The following PRKCE variants were observed in gnomAD, a reference collection of about 807,000 sequenced individuals.
The protein encoded by PRKCE is protein kinase C epsilon, also known as protein kinase C epsilon type.
A neutral mutation model predicts 85.4 loss-of-function variants in PRKCE; 16 were observed. The ratio of observed to expected loss-of-function variants is 0.19; its 90% CI spans 0.13 to 0.28. The LOEUF (loss-of-function observed/expected upper bound fraction) is 0.28. Among genes scored for constraint, PRKCE ranks in the 10% least tolerant of loss-of-function variants. The pLI is 1.00. For missense variants in PRKCE, 573 were observed against 975.2 expected (o/e 0.59, Z 5.49); for synonymous variants, 388 against 371.5 (o/e 1.04, Z -0.51).
At chr2:45,803,416 C>A (rs564220909) in intron 1 of PRKCE, among the ~76,000 whole-genome samples, 6 of 152,352 alleles carry the variant, frequency 3.9e-5, no homozygotes, top group African/African-American at 1.4e-4. Context: ...TTATTCCCCA[C>A]TGGAATTTTG....
intron 11 of PRKCE, among the ~76,000 whole-genome samples, chr2:46,089,675 G>T (rs757501046): frequency 1.3e-5 from 2 of 151,982 alleles, no homozygotes; most frequent in African/African-American, 2.4e-5. Context: ...GTTGGGGAAG[G>T]CATCCAGCCC....
intron 1 of PRKCE, among the ~76,000 whole-genome samples, chr2:45,823,316 G>T (rs1414645039): frequency 1.3e-5 from 2 of 152,202 alleles, no homozygotes; most frequent in African/African-American, 4.8e-5. Context: ...TTGAGCCTCT[G>T]CTCTTTCTGG....
Position 45,744,403 on chromosome 2 carries a change from C to CT in PRKCE, c.348+91958dup, listed in dbSNP as rs201240044. 7.0e-3 allele frequency among the ~76,000 whole-genome samples: 1,044 copies of CT among 150,210 alleles called. 26 individuals are homozygous for CT. The highest frequency in any genetic ancestry group is 0.025 in the African/African-American group (983 of 39,916). ...AAACCCAGTTGCCTGGTCTTTCTCT[C>CT]TTTCTTTTCTTTTCTTTCTTTCTTT... is the stretch of plus-strand genomic sequence containing the variant. On this transcript the variant is annotated intron_variant, in intron 1 of 14. Transcript: ENST00000306156.
chr2:45,702,188 A>G (rs1678702853), intron 1 of PRKCE, among the ~76,000 whole-genome samples: 2 of 152,194 alleles, frequency 1.3e-5, no homozygotes, highest in Non-Finnish European at 2.9e-5. Context: ...GACTGTCTCA[A>G]AAAACAACGA....
At chr2:45,859,348 A>G (rs993565373) in intron 2 of PRKCE, among the ~76,000 whole-genome samples, 4 of 152,134 alleles carry the variant, frequency 2.6e-5, no homozygotes, top group African/African-American at 9.7e-5. Context: ...AGGCATGGTA[A>G]ATGATGGTTC....
intron 2 of PRKCE, among the ~76,000 whole-genome samples, chr2:45,867,878 C>T (rs1693733570): frequency 1.3e-5 from 2 of 152,188 alleles, no homozygotes; most frequent in Non-Finnish European, 2.9e-5. Context: ...CCTACCTCAT[C>T]ACTTCTGCAG....
chr2:45,987,043 T>G (rs1192186069), intron 6 of PRKCE, among the ~76,000 whole-genome samples: 1 of 150,596 alleles, frequency 6.6e-6, no homozygotes, highest in African/African-American at 2.5e-5. Context: ...TTTTTTTTTG[T>G]AAATATATTA....
At chr2:45,799,771 A>G (rs59321091) in intron 1 of PRKCE, among the ~76,000 whole-genome samples, 3,322 of 152,236 alleles carry the variant, frequency 0.022, 119 homozygotes, top group African/African-American at 0.076. Flanking sequence ...AATTTGTACA[A>G]GGAGAAGATT....
At chr2:45,743,603 T>C (rs1484440802) in intron 1 of PRKCE, among the ~76,000 whole-genome samples, 1 of 152,192 alleles carries the variant, frequency 6.6e-6, no homozygotes. Context: ...CAACTCTGGT[T>C]TATCTTTCAG....
At chr2:45,810,239 C>G (rs1052878041) in intron 1 of PRKCE, among the ~76,000 whole-genome samples, 1 of 152,010 alleles carries the variant, frequency 6.6e-6, no homozygotes, top group Non-Finnish European at 1.5e-5. Context: ...CGGGGTTTCA[C>G]CATGTTGGCC....
rs186126710 is a variant in PRKCE, at chr2:46,112,737, C to G, written c.1592+26375C>G. On this transcript the variant is annotated intron_variant, in intron 11 of 14. Transcript: ENST00000306156. ...GTTTCACCATGTTGGCCAGGCTAGT[C>G]TCAAACTCCTGACCTCAAGTGATCC... 7.9e-4 allele frequency among the ~76,000 whole-genome samples: 120 copies of G among 152,222 alleles called. 2 individuals carry two copies. Among genetic ancestry groups the G allele is most frequent in the African/African-American group, 2.8e-3 (116 of 41,524 alleles).
chr2:46,084,533 C>G (rs951695986), intron 10 of PRKCE, among the ~76,000 whole-genome samples: 4 of 151,898 alleles, frequency 2.6e-5, no homozygotes, highest in Non-Finnish European at 5.9e-5. Context: ...ACCATCCTGG[C>G]CAACATGGTG....
chr2:46,070,365 T>C lies in PRKCE; in HGVS notation c.1438-15843T>C, dbSNP rs183028634. On this transcript the variant is annotated intron_variant, in intron 10 of 14. Coordinates refer to ENST00000306156, the MANE Select transcript of PRKCE (RefSeq NM_005400.3). ...GTATAAAAAAATGGCATTTTATGGC[T>C]GGGCGCGGTGGCGCATGCCTGTAAT... is the stretch of plus-strand genomic sequence containing the variant. Among the ~76,000 whole-genome samples, 209 of 152,352 alleles carry C rather than the reference T, an allele frequency of 1.4e-3. 2 individuals are homozygous for C. The highest frequency in any genetic ancestry group is 2.3e-3 in the Non-Finnish European group (157 of 68,022).
At chr2:45,892,323 C>T (rs78172581) in intron 2 of PRKCE, among the ~76,000 whole-genome samples, 4 of 152,154 alleles carry the variant, frequency 2.6e-5, no homozygotes, top group Non-Finnish European at 4.4e-5. Context: ...GGACAGCATT[C>T]AGCTGTTCTT....
At chr2:45,678,625 GAGGGAACC>G in intron 1 of PRKCE, among the ~76,000 whole-genome samples, 1 of 152,310 alleles carries the variant, frequency 6.6e-6, no homozygotes, top group Non-Finnish European at 1.5e-5. Flanking sequence ...GAAAAATTTG[GAGGGAACC>G]TTTCTTTCAA....
chr2:45,800,066 C>A (rs1164633638), intron 1 of PRKCE, among the ~76,000 whole-genome samples: 1 of 152,120 alleles, frequency 6.6e-6, no homozygotes, highest in Non-Finnish European at 1.5e-5. Context: ...AGAGATTTTC[C>A]CCCTAGTTCT....
In PRKCE at chr2:45,913,242, G is replaced by A. The variant is rs185281256; in HGVS notation, c.413-63187G>A. Among the ~76,000 whole-genome samples, 383 of 152,250 alleles carry A rather than the reference G, an allele frequency of 2.5e-3. 2 individuals are homozygous for A. The highest frequency in any genetic ancestry group is 8.6e-3 in the African/African-American group (359 of 41,532). ...TTTAACTGCAGCCTCAAACTCCCTGGGCTCAGATGATCCTCCCACCTCAGC... is the reference window on the plus strand; with the variant it reads ...TTTAACTGCAGCCTCAAACTCCCTGAGCTCAGATGATCCTCCCACCTCAGC... On this transcript the variant is annotated intron_variant, in intron 2 of 14. Coordinates refer to ENST00000306156, the MANE Select transcript of PRKCE (RefSeq NM_005400.3).
At chr2:45,950,618 T>G (rs1700554480) in intron 2 of PRKCE, among the ~76,000 whole-genome samples, 1 of 152,116 alleles carries the variant, frequency 6.6e-6, no homozygotes, top group South Asian at 2.1e-4. Flanking sequence ...GATTACAAGA[T>G]GCCTGGTTTG....
At chr2:46,002,583 A>G (rs1303734647) in intron 7 of PRKCE, among the ~76,000 whole-genome samples, 1 of 152,212 alleles carries the variant, frequency 6.6e-6, no homozygotes, top group African/African-American at 2.4e-5. Flanking sequence ...TGTTTTCTCA[A>G]TAAGCAAAGC....
Sources: allele counts gnomAD v4.1 joint callset (sites outside exome capture counted in the v4.1 genomes callset), GRCh38; gene constraint gnomAD v4.1.1; transcripts MANE v1.5; gene names NCBI Gene and HGNC (gene_info 2026-07-23, HGNC 2026-07-21).